Variants in CLASP2 observed in about 807,000 individuals in gnomAD.
CLASP2 encodes cytoplasmic linker associated protein 2.
A neutral mutation model predicts 194.4 loss-of-function variants in CLASP2; 47 were observed. The ratio of observed to expected loss-of-function variants is 0.24; its 90% CI spans 0.19 to 0.31. CLASP2 has a LOEUF of 0.31. Ranked by LOEUF, CLASP2 falls within the 10% of genes least tolerant of loss-of-function variation. The pLI is 1.00. For missense variants in CLASP2, 1,445 were observed against 1,823.6 expected, an observed-to-expected ratio of 0.79 and a Z score of 3.78; for synonymous variants, 619 against 633.5, an observed-to-expected ratio of 0.98 and a Z score of 0.34.
intron 22 of CLASP2, among the ~76,000 whole-genome samples, chr3:33,583,375 G>A (rs1037460025): frequency 6.6e-6 from 1 of 152,162 alleles, no homozygotes; most frequent in South Asian, 2.1e-4. Context: ...GGAATGTAAG[G>A]AAAGAGAATT....
At chr3:33,521,255 G>A (rs1357686768) in intron 34 of CLASP2, among the ~76,000 whole-genome samples, 1 of 152,084 alleles carries the variant, frequency 6.6e-6, no homozygotes, top group East Asian at 1.9e-4. Flanking sequence ...ATGAATTCAA[G>A]TTTGATGAAA....
At chr3:33,525,710 A>G (rs983744039) in intron 34 of CLASP2, among the ~76,000 whole-genome samples, 5 of 152,232 alleles carry the variant, frequency 3.3e-5, no homozygotes, top group African/African-American at 1.2e-4. Flanking sequence ...CTGGAGCCTC[A>G]GATACTCGGG....
At chr3:33,662,477 C>T (rs1271553373) in intron 7 of CLASP2, among the ~76,000 whole-genome samples, 1 of 152,194 alleles carries the variant, frequency 6.6e-6, no homozygotes, top group Non-Finnish European at 1.5e-5. Context: ...AAGGTGAGGA[C>T]TGGTAGCACT....
chr3:33,691,405 A>G (rs1575616990), intron 2 of CLASP2, among the ~76,000 whole-genome samples: 1 of 152,194 alleles, frequency 6.6e-6, no homozygotes, highest in East Asian at 1.9e-4. Context: ...AATGAACAAG[A>G]GTTAAAGAAA....
chr3:33,668,221 A>C (rs1308778504), intron 6 of CLASP2, among the ~76,000 whole-genome samples: 6 of 152,244 alleles, frequency 3.9e-5, no homozygotes, highest in African/African-American at 7.2e-5. Context: ...TCCAACTCAA[A>C]AAAACAAAAC....
At position 33,581,813 on chromosome 3, in the gene CLASP2, A is replaced by T; in HGVS notation, c.2347+8T>A. ...AGCAATGCACATAACACCTGCCCGA[A>T]TACGTACCGAGGGGCTGAAAAGAGC... On this transcript the variant is annotated splice_region_variant and intron_variant, in intron 23 of 38. Transcript: ENST00000682230. 1.9e-6 allele frequency: 3 copies of T among 1,604,554 alleles called. No homozygotes were observed. Among genetic ancestry groups the T allele is most frequent in the Non-Finnish European group, 2.6e-6 (3 of 1,172,310 alleles).
chr3:33,510,463 G>T, intron 37 of CLASP2, 95 bp downstream of exon 37: 2 of 1,130,370 alleles, frequency 1.8e-6, no homozygotes, highest in Non-Finnish European at 2.6e-6. Context: ...CGGGAGGAAG[G>T]CTTGATCATG....
intron 7 of CLASP2, chr3:33,658,911 T>C: frequency 7.2e-7 from 1 of 1,395,834 alleles, no homozygotes; most frequent in Non-Finnish European, 9.8e-7. Context: ...ACACAGCAAA[T>C]GATCGTCACC....
At chr3:33,602,326 T>C in intron 18 of CLASP2, 1 of 537,556 alleles carries the variant, frequency 1.9e-6, no homozygotes, top group South Asian at 2.6e-5. Flanking sequence ...TTGGAGCATT[T>C]CAGATTTCAG....
At position 33,687,090 on chromosome 3, in the gene CLASP2, C is replaced by A; in HGVS notation, c.516G>T (p.Leu172Phe). 1 of 1,602,378 alleles carries A rather than the reference C, an allele frequency of 6.2e-7. No individual in the cohort carries two copies. The highest frequency in any genetic ancestry group is 8.5e-7 in the Non-Finnish European group (1 of 1,174,156). Reference sequence around the variant, plus strand: ...TGTTGGAGTCTCCAAACAGGATACACAAATGTGGTATCAATTTGCTGATGA... The same window carrying A: ...TGTTGGAGTCTCCAAACAGGATACAAAAATGTGGTATCAATTTGCTGATGA... Reference protein sequence around the residue: ...PLVISKLIPHLCILFGDSNSQ... With the variant: ...PLVISKLIPHFCILFGDSNSQ... Residue 172 changes from leucine (L) to phenylalanine (F), a missense_variant, in exon 5 of 39, where the codon TTG (leucine) becomes TTT (phenylalanine). Coordinates refer to ENST00000682230, the MANE Select transcript of CLASP2 (RefSeq NM_001365631.1).
intron 13 of CLASP2, among the ~76,000 whole-genome samples, chr3:33,610,510 C>T (rs567992941): frequency 1.1e-4 from 16 of 152,188 alleles, no homozygotes; most frequent in Non-Finnish European, 2.4e-4. Flanking sequence ...ATTTTTAAGG[C>T]AATTCTATGG....
intron 21 of CLASP2, 97 bp from the exon 22 acceptor site, chr3:33,585,017 A>C (rs2067030564): frequency 9.4e-7 from 1 of 1,061,562 alleles, no homozygotes; most frequent in Non-Finnish European, 1.3e-6. Flanking sequence ...TACAGAGAAA[A>C]CTGTGACAGT....
At chr3:33,661,874 C>T (rs1020634673) in intron 7 of CLASP2, among the ~76,000 whole-genome samples, 3 of 152,156 alleles carry the variant, frequency 2.0e-5, no homozygotes, top group African/African-American at 4.8e-5. Flanking sequence ...GATTTTCCAA[C>T]GTGATAAATA....
At chr3:33,572,873 A>C (rs887031961) in intron 25 of CLASP2, among the ~76,000 whole-genome samples, 41 of 151,684 alleles carry the variant, frequency 2.7e-4, no homozygotes, top group African/African-American at 9.6e-4. Flanking sequence ...GTGAATAAAA[A>C]GTTTCCTTTC....
At chr3:33,608,706 G>GC in intron 13 of CLASP2, 80 bp from the exon 14 acceptor site, 1 of 693,550 alleles carries the variant, frequency 1.4e-6, no homozygotes, top group Non-Finnish European at 2.3e-6. Context: ...ACTACACTTT[G>GC]CCCCCTAAAT....
At chr3:33,626,882 CTATTTTA>C in intron 10 of CLASP2, 99 bp downstream of exon 10, 2 of 629,272 alleles carry the variant, frequency 3.2e-6, no homozygotes, top group Non-Finnish European at 5.4e-6. Context: ...ATCAGACTCT[CTATTTTA>C]TAAGTGAATA....
At chr3:33,575,345 T>C (rs568975792) in intron 24 of CLASP2, among the ~76,000 whole-genome samples, 23 of 152,302 alleles carry the variant, frequency 1.5e-4, no homozygotes, top group African/African-American at 5.3e-4. Flanking sequence ...CAAATCTATG[T>C]GGCAAACACT....
chr3:33,677,455 C>T (rs1236111240), intron 6 of CLASP2, among the ~76,000 whole-genome samples: 3 of 149,612 alleles, frequency 2.0e-5, no homozygotes, highest in Non-Finnish European at 4.4e-5. Context: ...ATCACAAGAA[C>T]AAAAAACCAA....
At chr3:33,501,170 T>G (rs2046762292) in intron 38 of CLASP2, among the ~76,000 whole-genome samples, 2 of 152,198 alleles carry the variant, frequency 1.3e-5, no homozygotes, top group South Asian at 2.1e-4. Flanking sequence ...CAAGTTAAAG[T>G]TGCACATTAA....
Sources: allele counts gnomAD v4.1 joint callset (sites outside exome capture counted in the v4.1 genomes callset), GRCh38; gene constraint gnomAD v4.1.1; transcripts MANE v1.5; gene names NCBI Gene and HGNC (gene_info 2026-07-23, HGNC 2026-07-21).